CHST13: variants seen among roughly 807,000 people sequenced by gnomAD.
The protein encoded by CHST13 is C4ST-3.
CHST13 carries 1 observed loss-of-function variant against 7.0 expected under a neutral mutation model. The observed-to-expected ratio is 0.14, with a 90% CI of 0.05 to 0.68. The LOEUF is 0.68. CHST13 is among the 30% of genes least tolerant of loss of function. CHST13 has a pLI of 0.82. For missense variants in CHST13, 572 were observed against 507.9 expected (o/e 1.13, Z -1.21); for synonymous variants, 257 against 240.9 (o/e 1.07, Z -0.62).
intron 1 of CHST13, among the ~76,000 whole-genome samples, chr3:126,531,846 T>A (rs890256458): frequency 6.6e-6 from 1 of 152,242 alleles, no homozygotes; most frequent in Non-Finnish European, 1.5e-5. Context: ...CTGGGTTGCA[T>A]GGTAATTCTA....
At chr3:126,541,267 G>T (rs1936951404) in intron 2 of CHST13, among the ~76,000 whole-genome samples, 1 of 152,218 alleles carries the variant, frequency 6.6e-6, no homozygotes, top group South Asian at 2.1e-4. Flanking sequence ...GTGCTGATTG[G>T]TAAGTACAGA....
intron 1 of CHST13, among the ~76,000 whole-genome samples, chr3:126,535,565 CAG>C (rs1936770910): frequency 7.2e-6 from 1 of 138,630 alleles, no homozygotes; most frequent in Non-Finnish European, 1.5e-5. Context: ...GGGAGACAGA[CAG>C]ACAGACAGCA....
rs1283925671 is a variant in CHST13, at chr3:126,542,506, C to T, written c.954C>T (p.Arg318=). 4 of 1,568,568 alleles carry T rather than the reference C, an allele frequency of 2.6e-6. No individual in the cohort carries two copies. The South Asian group carries it at 3.6e-5, about 14-fold the overall frequency. Residue 318 remains arginine (R), a synonymous_variant, in exon 3 of 3, where the codon CGC becomes CGT. Transcript: ENST00000319340. The stretch of plus-strand genomic sequence containing the variant: ...ACATCAGCCCCTTCTACCAGCGGCG[C>T]CTCTTCGACCTCTACAAGATGGACT... The part of the protein sequence containing the change: ...FRDISPFYQR[R]LFDLYKMDFL...
chr3:126,540,615 C>T (rs73859520), intron 2 of CHST13, among the ~76,000 whole-genome samples: 4,856 of 152,310 alleles, frequency 0.032, 251 homozygotes, highest in African/African-American at 0.11. Context: ...TGGCCGCATA[C>T]ATTTGCCCAC....
intron 2 of CHST13, among the ~76,000 whole-genome samples, chr3:126,537,447 T>A (rs946895943): frequency 6.6e-6 from 1 of 152,182 alleles, no homozygotes; most frequent in Non-Finnish European, 1.5e-5. Flanking sequence ...TACTGCTGTG[T>A]AGAGAAGGAT....
chr3:126,524,568 C>T, intron 1 of CHST13, 139 bp downstream of exon 1: 1 of 361,088 alleles, frequency 2.8e-6, no homozygotes, highest in Non-Finnish European at 4.9e-6. Flanking sequence ...CGGGCAGGGG[C>T]GCTGGTGAGG....
At position 126,542,751 on chromosome 3, in the gene CHST13, C is replaced by T. The variant is rs1936999467; in HGVS notation, c.*173C>T. 1 of 1,012,680 alleles carries T rather than the reference C, an allele frequency of 9.9e-7. No individual in the cohort carries two copies. The highest frequency in any genetic ancestry group is 2.6e-5 in the South Asian group (1 of 38,462). The allele number at this position is 1,012,680 out of a possible 1,614,324, so 62.7% of individuals were successfully genotyped here. On this transcript the variant is annotated 3_prime_UTR_variant, in exon 3 of 3. Transcript: ENST00000319340. Reference sequence around the variant, plus strand: ...CTGGCCAGGCTTGGGGGCAGCCCATCTCAGGTGGCCCTGCACGCGTGTGCC... The same window carrying T: ...CTGGCCAGGCTTGGGGGCAGCCCATTTCAGGTGGCCCTGCACGCGTGTGCC...
intron 2 of CHST13, among the ~76,000 whole-genome samples, chr3:126,540,508 C>A (rs943354085): frequency 1.3e-5 from 2 of 152,200 alleles, no homozygotes; most frequent in African/African-American, 4.8e-5. Flanking sequence ...TGTGACTGTA[C>A]TATTCGCTTG....
intron 2 of CHST13, among the ~76,000 whole-genome samples, chr3:126,537,958 G>T (rs2107569744): frequency 6.6e-6 from 1 of 152,300 alleles, no homozygotes; most frequent in South Asian, 2.1e-4. Context: ...CACACTGTGG[G>T]GGTGAGGACA....
At position 126,542,135 on chromosome 3, in the gene CHST13, G is replaced by A. The variant is rs1336664288; in HGVS notation, c.583G>A (p.Ala195Thr). 4 of 1,564,832 alleles carry A rather than the reference G, an allele frequency of 2.6e-6. No homozygotes were observed. Among genetic ancestry groups the A allele is most frequent in the African/African-American group, 2.8e-5 (2 of 71,378 alleles). Residue 195 changes from alanine to threonine, a missense_variant, in exon 3 of 3, where the codon GCC (alanine) becomes ACC (threonine). Physicochemically the swap from Ala to Thr is moderately conservative, Grantham distance 58. Transcript: ENST00000319340. Reference sequence around the variant, plus strand: ...CAAGCTCGCGCGCCCCTACAGCGCCGCCTTCCAGAGGCGCTACGGTGCACG... The same window carrying A: ...CAAGCTCGCGCGCCCCTACAGCGCCACCTTCCAGAGGCGCTACGGTGCACG... The part of the protein sequence containing the change: ...RNKLARPYSA[A>T]FQRRYGARIV...
Position 126,524,241 on chromosome 3 carries a change from G to C in CHST13, c.-92G>C. ...TGCGCCGCGCCGCGCGTCTTGGTAG[G>C]CGCTGCGCTGCCGGGGCCGGGTCCT... On this transcript the variant is annotated 5_prime_UTR_variant, in exon 1 of 3. Coordinates refer to ENST00000319340, the MANE Select transcript of CHST13 (RefSeq NM_152889.3). The C allele has an allele frequency of 5.0e-6, 5 of 1,006,448 alleles. No homozygotes were observed. The highest frequency in any genetic ancestry group is 6.3e-6 in the Non-Finnish European group (5 of 794,376). 62.3% of individuals were successfully genotyped at this position (1,006,448 alleles called of 1,614,324 possible).
At chr3:126,535,171 TCCCTGTCCCCAGCCG>T (rs1576751980) in intron 1 of CHST13, among the ~76,000 whole-genome samples, 1 of 130,954 alleles carries the variant, frequency 7.6e-6, no homozygotes, top group South Asian at 2.6e-4. Flanking sequence ...ACAGACAGCA[TCCCTGTCCCCAGCCG>T]GGAGACAGAC....
chr3:126,524,390 C>G lies in CHST13; in HGVS notation c.58C>G (p.Leu20Val), dbSNP rs568725588. Reference protein sequence around the residue: ...VLAAACLGAALLLLCAAPRSL... With the variant: ...VLAAACLGAAVLLLCAAPRSL... ...GGCGGCCGCCTGTCTGGGCGCCGCGCTCCTGCTCCTATGCGCCGCGCCCCG... is the reference window on the plus strand; with the variant it reads ...GGCGGCCGCCTGTCTGGGCGCCGCGGTCCTGCTCCTATGCGCCGCGCCCCG... The change falls in exon 1 of 3, where the codon CTC becomes GTC. Residue 20 changes from leucine (L) to valine (V), a missense_variant. Physicochemically the swap from Leu to Val is conservative, Grantham distance 32. Transcript: ENST00000319340. 1 of 1,226,424 alleles carries G rather than the reference C, an allele frequency of 8.2e-7. No individual in the cohort carries two copies. The highest frequency in any genetic ancestry group is 3.6e-5 in the South Asian group (1 of 27,418). The allele number at this position is 1,226,424 out of a possible 1,614,324, so 76.0% of individuals were successfully genotyped here.
intron 1 of CHST13, among the ~76,000 whole-genome samples, chr3:126,529,614 C>T (rs1022550587): frequency 8.5e-5 from 13 of 152,190 alleles, no homozygotes; most frequent in African/African-American, 2.2e-4. Context: ...ACTAAGCACC[C>T]GGCACTGTGC....
chr3:126,529,125 C>T (rs1936595476), intron 1 of CHST13: 6 of 413,156 alleles, frequency 1.5e-5, no homozygotes, highest in South Asian at 9.1e-5. Context: ...GATGGCTGTG[C>T]CCTCACCCTG....
chr3:126,536,021 A>C (rs1170730245), intron 1 of CHST13, among the ~76,000 whole-genome samples: 1 of 152,182 alleles, frequency 6.6e-6, no homozygotes. Flanking sequence ...CCTCTTGCCT[A>C]GTACCCTCCA....
chr3:126,534,976 T>C (rs1936739356), intron 1 of CHST13, among the ~76,000 whole-genome samples: 1 of 136,920 alleles, frequency 7.3e-6, no homozygotes, highest in Non-Finnish European at 1.5e-5. Flanking sequence ...CAGACCAGCA[T>C]CCCTGTCCCC....
chr3:126,538,296 A>G (rs1936841992), intron 2 of CHST13, among the ~76,000 whole-genome samples: 1 of 152,212 alleles, frequency 6.6e-6, no homozygotes, highest in African/African-American at 2.4e-5. Context: ...CCTCCTGACT[A>G]TAAGAGGACT....
intron 1 of CHST13, among the ~76,000 whole-genome samples, chr3:126,529,854 G>A (rs748484725): frequency 2.0e-5 from 3 of 152,164 alleles, no homozygotes; most frequent in African/African-American, 4.8e-5. Context: ...GGCTTTCCCT[G>A]TGCTGCTCTG....
Sources: gnomAD v4.1 joint callset for allele counts (sites outside exome capture counted in the v4.1 genomes callset) on GRCh38, gnomAD v4.1.1 for gene constraint, MANE v1.5 for transcripts, NCBI Gene and HGNC (gene_info 2026-07-23, HGNC 2026-07-21) for gene names.